The following DIP2C variants were observed in gnomAD, a reference collection of about 807,000 sequenced individuals.
DIP2C encodes the protein disco-interacting protein 2 homolog C.
Under a neutral mutation model 192.4 loss-of-function variants are expected in DIP2C, and 33 were observed. The observed-to-expected ratio is 0.17, with a 90% CI of 0.13 to 0.23. The LOEUF is 0.23. Ranked by LOEUF, DIP2C falls within the 10% of genes least tolerant of loss-of-function variation. The pLI, the probability that DIP2C is intolerant of heterozygous loss-of-function variation, is 1.00. For missense variants in DIP2C, 1,537 were observed against 2,110.1 expected, an observed-to-expected ratio of 0.73 and a Z score of 5.32; for synonymous variants, 979 against 864.1, an observed-to-expected ratio of 1.13 and a Z score of -2.33.
chr10:431,839 A>G (rs1282764342), intron 4 of DIP2C, among the ~76,000 whole-genome samples: 1 of 152,218 alleles, frequency 6.6e-6, no homozygotes, highest in East Asian at 1.9e-4. Flanking sequence ...CTTAGTGGGA[A>G]AAATTCTAGT....
chr10:511,675 AC>A (rs1846022728), intron 1 of DIP2C, among the ~76,000 whole-genome samples: 2 of 151,884 alleles, frequency 1.3e-5, no homozygotes, highest in African/African-American at 2.4e-5. Context: ...CGGGGTTCAC[AC>A]CTCTCCAGGC....
intron 4 of DIP2C, among the ~76,000 whole-genome samples, chr10:424,261 G>A (rs1044864065): frequency 2.6e-4 from 38 of 147,476 alleles, no homozygotes; most frequent in African/African-American, 8.6e-4. Flanking sequence ...TATTATCACT[G>A]TCACATGACT....
In DIP2C at chr10:654,554, A is replaced by G. The variant is rs1348799285; in HGVS notation, c.85+34940T>C. ...TGTGCCAGGCATGAGACAACTGTTT[A>G]CAGAAAACATCTCATTTCATCCTAC... On this transcript the variant is annotated intron_variant, in intron 1 of 36. Transcript: ENST00000280886. Among the ~76,000 whole-genome samples the G allele has an allele frequency of 2.6e-5, 4 of 152,212 alleles. 1 individual carries two copies. Among genetic ancestry groups the G allele is most frequent in the Non-Finnish European group, 4.4e-5 (3 of 68,040 alleles).
chr10:569,608 A>G (rs1243527111), intron 1 of DIP2C, among the ~76,000 whole-genome samples: 1 of 152,188 alleles, frequency 6.6e-6, no homozygotes, highest in African/African-American at 2.4e-5. Flanking sequence ...CTTTTTTAAA[A>G]AAAAGCAAAA....
intron 1 of DIP2C, among the ~76,000 whole-genome samples, chr10:535,832 A>G (rs1351080467): frequency 6.6e-6 from 1 of 152,222 alleles, no homozygotes. Context: ...CTTGGGTCAC[A>G]TTTGCTCTTG....
chr10:605,914 G>A (rs917277181), intron 1 of DIP2C, among the ~76,000 whole-genome samples: 7 of 152,200 alleles, frequency 4.6e-5, no homozygotes, highest in Non-Finnish European at 7.3e-5. Context: ...CAGCCTTTCA[G>A]GCCGTGCCAT....
chr10:522,413 CTT>C (rs1211339889), intron 1 of DIP2C, among the ~76,000 whole-genome samples: 4 of 152,264 alleles, frequency 2.6e-5, no homozygotes, highest in African/African-American at 7.2e-5. Flanking sequence ...TGGAAGTAAA[CTT>C]CAGCTCCTGA....
chr10:424,334 G>A (rs951033606), intron 4 of DIP2C, among the ~76,000 whole-genome samples: 1 of 141,628 alleles, frequency 7.1e-6, no homozygotes, highest in African/African-American at 2.6e-5. Context: ...TTAAGAGCCT[G>A]AAAATTCTCT....
intron 1 of DIP2C, among the ~76,000 whole-genome samples, chr10:568,803 C>T (rs933944648): frequency 2.5e-5 from 2 of 79,090 alleles, no homozygotes; most frequent in Non-Finnish European, 5.7e-5. Context: ...AAAAAACCTT[C>T]ACTTGATCTG....
chr10:558,940 G>A (rs547441023), intron 1 of DIP2C, among the ~76,000 whole-genome samples: 210 of 84,298 alleles, frequency 2.5e-3, no homozygotes, highest in Non-Finnish European at 4.0e-3. Flanking sequence ...CTCCCCCACC[G>A]ACAGCCCAAC....
chr10:580,497 A>C lies in DIP2C; in HGVS notation c.86-93967T>G, dbSNP rs190335692. The stretch of plus-strand genomic sequence containing the variant: ...ACAGATACATGTCCAAATAGTGTGG[A>C]TATAATAGTGCCCATAGTTATGCAC... On this transcript the variant is annotated intron_variant, in intron 1 of 36. Coordinates refer to ENST00000280886, the MANE Select transcript of DIP2C (RefSeq NM_014974.3). Among the ~76,000 whole-genome samples, 13 of 152,292 alleles carry C rather than the reference A, an allele frequency of 8.5e-5. No homozygotes were observed. The East Asian group carries it at 1.5e-3, about 18-fold the overall frequency.
rs149122383 is a variant in DIP2C, at chr10:336,315, T to C, written c.3584+4884A>G. 5.1e-3 allele frequency among the ~76,000 whole-genome samples: 732 copies of C among 143,258 alleles called. 6 individuals carry two copies. Among genetic ancestry groups the C allele is most frequent in the Non-Finnish European group, 8.8e-3 (583 of 65,916 alleles). The allele number at this position is 143,258 out of a possible 152,430, so 94.0% of individuals were successfully genotyped here. On this transcript the variant is annotated intron_variant, in intron 29 of 36. Coordinates refer to ENST00000280886, the MANE Select transcript of DIP2C (RefSeq NM_014974.3). ...ATGAGCCTGTAACGAAGCTGAAAAA[T>C]TTCTACTGCCTAGAGATGCTGAAGC...
At chr10:404,210 AT>A (rs200567522) in intron 9 of DIP2C, among the ~76,000 whole-genome samples, 3,623 of 146,418 alleles carry the variant, frequency 0.025, 81 homozygotes, top group Admixed American at 0.052. Context: ...TTCATTCTGG[AT>A]TTTTTTTTTT....
intron 1 of DIP2C, among the ~76,000 whole-genome samples, chr10:662,316 T>C (rs1856809890): frequency 6.6e-6 from 1 of 152,206 alleles, no homozygotes; most frequent in South Asian, 2.1e-4. Context: ...AACACTTGCT[T>C]GATAATTTTG....
intron 13 of DIP2C, among the ~76,000 whole-genome samples, chr10:389,522 A>G (rs1963284006): frequency 6.6e-6 from 1 of 152,164 alleles, no homozygotes; most frequent in East Asian, 1.9e-4. Context: ...TTTCTTTACA[A>G]CTAAAGATAT....
At chr10:558,109 A>G (rs944205580) in intron 1 of DIP2C, among the ~76,000 whole-genome samples, 6 of 152,178 alleles carry the variant, frequency 3.9e-5, no homozygotes, top group African/African-American at 1.2e-4. Context: ...CTCATATGAC[A>G]TTCTATAAAT....
chr10:611,844 G>A (rs534969688), intron 1 of DIP2C, among the ~76,000 whole-genome samples: 6 of 152,120 alleles, frequency 3.9e-5, no homozygotes, highest in Non-Finnish European at 5.9e-5. Flanking sequence ...ATATCCCCAC[G>A]ACTTCAAATA....
intron 1 of DIP2C, among the ~76,000 whole-genome samples, chr10:598,937 A>AAC (rs1851886614): frequency 6.6e-6 from 1 of 152,262 alleles, no homozygotes; most frequent in Non-Finnish European, 1.5e-5. Context: ...TGCCTCAAGG[A>AAC]ACATCCTTCC....
intron 1 of DIP2C, among the ~76,000 whole-genome samples, chr10:646,007 A>G (rs1255120444): frequency 1.3e-5 from 2 of 152,244 alleles, no homozygotes; most frequent in East Asian, 3.8e-4. Flanking sequence ...ACAGGCACAC[A>G]GACTTAAACA....
Sources: gnomAD v4.1 joint callset for allele counts (sites outside exome capture counted in the v4.1 genomes callset) on GRCh38, gnomAD v4.1.1 for gene constraint, MANE v1.5 for transcripts, NCBI Gene and HGNC (gene_info 2026-07-23, HGNC 2026-07-21) for gene names.